Variants in FSTL5 observed in about 807,000 individuals in gnomAD.
FSTL5 encodes the protein follistatin like 5.
A neutral mutation model predicts 89.1 loss-of-function variants in FSTL5; 62 were observed. The observed-to-expected ratio is 0.70, with a 90% CI of 0.57 to 0.86. The LOEUF is 0.86. FSTL5 is among the 40% of genes least tolerant of loss of function. FSTL5 has a pLI of 0.00. For synonymous variants in FSTL5, 383 were observed against 346.2 expected, an observed-to-expected ratio of 1.11 and a Z score of -1.18; for missense variants, 1,057 against 1,001.6, an observed-to-expected ratio of 1.06 and a Z score of -0.75.
At chr4:161,944,341 A>G (rs1168784521) in intron 3 of FSTL5, among the ~76,000 whole-genome samples, 1 of 152,110 alleles carries the variant, frequency 6.6e-6, no homozygotes, top group East Asian at 1.9e-4. Context: ...TATAAAAAAA[A>G]TCTATTTTAC....
At chr4:161,943,483 T>C (rs527548881) in intron 3 of FSTL5, among the ~76,000 whole-genome samples, 4 of 150,124 alleles carry the variant, frequency 2.7e-5, no homozygotes, top group African/African-American at 4.9e-5. Flanking sequence ...TATTGACTCG[T>C]GTTTCAGAAC....
At chr4:161,530,046 G>A (rs954280925) in intron 10 of FSTL5, among the ~76,000 whole-genome samples, 1 of 141,728 alleles carries the variant, frequency 7.1e-6, no homozygotes, top group Non-Finnish European at 1.5e-5. Context: ...TTAAATCTAT[G>A]CAACCTGCCT....
chr4:161,445,183 A>G (rs1732904310), intron 15 of FSTL5, among the ~76,000 whole-genome samples: 1 of 151,966 alleles, frequency 6.6e-6, no homozygotes, highest in Admixed American at 6.6e-5. Context: ...AGTATTGTGC[A>G]TAGGACAAAA....
intron 4 of FSTL5, among the ~76,000 whole-genome samples, chr4:161,831,966 G>A (rs1730860152): frequency 6.6e-6 from 1 of 151,920 alleles, no homozygotes; most frequent in Non-Finnish European, 1.5e-5. Context: ...ATACTAATAA[G>A]AGACATTGAC....
At chr4:161,875,011 T>C (rs1732396992) in intron 4 of FSTL5, among the ~76,000 whole-genome samples, 1 of 152,242 alleles carries the variant, frequency 6.6e-6, no homozygotes, top group South Asian at 2.1e-4. Context: ...ACAACTTTTG[T>C]TCTTTCATCA....
Position 161,631,081 on chromosome 4 carries a change from G to A in FSTL5, c.894+25247C>T, listed in dbSNP as rs748319308. On this transcript the variant is annotated intron_variant, in intron 7 of 15. Coordinates refer to ENST00000306100, the MANE Select transcript of FSTL5 (RefSeq NM_020116.5). The stretch of plus-strand genomic sequence containing the variant: ...AATGTACCTGGCATTTTTTTGTATT[G>A]ATTTAGGTTCAAGAAAATAGATTCT... 3.4e-4 allele frequency among the ~76,000 whole-genome samples: 52 copies of A among 152,060 alleles called. 2 individuals carry two copies. The highest frequency in any genetic ancestry group is 6.8e-3 in the Middle Eastern group (2 of 294).
At chr4:162,095,786 T>C (rs1014816710) in intron 2 of FSTL5, among the ~76,000 whole-genome samples, 4 of 152,074 alleles carry the variant, frequency 2.6e-5, no homozygotes, top group African/African-American at 9.6e-5. Context: ...AATGTTTATA[T>C]AGGAGCTGAA....
At chr4:161,614,104 G>A in intron 7 of FSTL5, among the ~76,000 whole-genome samples, 1 of 151,966 alleles carries the variant, frequency 6.6e-6, no homozygotes, top group African/African-American at 2.4e-5. Context: ...CCTAAAGTAG[G>A]GGGTTCATAG....
intron 6 of FSTL5, among the ~76,000 whole-genome samples, chr4:161,723,979 A>G (rs1739307882): frequency 6.6e-6 from 1 of 152,152 alleles, no homozygotes; most frequent in South Asian, 2.1e-4. Flanking sequence ...TAAGGAGCAT[A>G]AAGTCTTTTT....
At chr4:162,079,431 G>C (rs931023489) in intron 2 of FSTL5, among the ~76,000 whole-genome samples, 2 of 151,532 alleles carry the variant, frequency 1.3e-5, no homozygotes, top group African/African-American at 4.8e-5. Context: ...AGAAAGACAT[G>C]GGAAAATGTT....
chr4:162,148,692 C>T (rs1473945855), intron 1 of FSTL5, among the ~76,000 whole-genome samples: 2 of 152,148 alleles, frequency 1.3e-5, no homozygotes, highest in African/African-American at 4.8e-5. Flanking sequence ...TAATCTTACA[C>T]ATGTAACATT....
intron 3 of FSTL5, among the ~76,000 whole-genome samples, chr4:161,976,978 T>C (rs1735669519): frequency 6.6e-6 from 1 of 152,240 alleles, no homozygotes; most frequent in Non-Finnish European, 1.5e-5. Context: ...CCATGGTGAC[T>C]ATAATGGCTA....
At chr4:162,039,339 G>A (rs1377724602) in intron 2 of FSTL5, among the ~76,000 whole-genome samples, 1 of 151,640 alleles carries the variant, frequency 6.6e-6, no homozygotes, top group Non-Finnish European at 1.5e-5. Context: ...CATGTGACTT[G>A]TTTGCATTTG....
chr4:162,096,581 G>C (rs986365665), intron 2 of FSTL5, among the ~76,000 whole-genome samples: 2 of 151,714 alleles, frequency 1.3e-5, no homozygotes, highest in African/African-American at 4.8e-5. Context: ...TAGAAATCTG[G>C]TGCAGTGACT....
At chr4:162,069,394 G>A (rs78813432) in intron 2 of FSTL5, among the ~76,000 whole-genome samples, 6,039 of 151,778 alleles carry the variant, frequency 0.04, 181 homozygotes, top group East Asian at 0.11. Context: ...TGTATTATTA[G>A]CACTAAAATC....
intron 15 of FSTL5, among the ~76,000 whole-genome samples, chr4:161,428,258 C>G (rs940585002): frequency 1.3e-5 from 2 of 152,156 alleles, no homozygotes; most frequent in Admixed American, 6.5e-5. Flanking sequence ...CTAAAGGGCT[C>G]CGGGGTCCTA....
intron 3 of FSTL5, among the ~76,000 whole-genome samples, chr4:162,021,811 G>A (rs957448532): frequency 5.3e-5 from 8 of 151,888 alleles, no homozygotes; most frequent in African/African-American, 1.2e-4. Context: ...AAGAAGTTAT[G>A]GCTGGGCACG....
chr4:161,613,541 C>A (rs371592078), intron 7 of FSTL5, among the ~76,000 whole-genome samples: 1 of 151,496 alleles, frequency 6.6e-6, no homozygotes, highest in Non-Finnish European at 1.5e-5. Flanking sequence ...AGGAAGAGGG[C>A]GATTAGATAG....
chr4:161,692,289 G>A (rs925606028), intron 6 of FSTL5, among the ~76,000 whole-genome samples: 2 of 151,906 alleles, frequency 1.3e-5, no homozygotes, highest in African/African-American at 2.4e-5. Context: ...TATCATAAAA[G>A]TGTGTTGAAT....
Sources: allele counts gnomAD v4.1 joint callset (sites outside exome capture counted in the v4.1 genomes callset), GRCh38; gene constraint gnomAD v4.1.1; transcripts MANE v1.5; gene names NCBI Gene and HGNC (gene_info 2026-07-23, HGNC 2026-07-21).